ISG20: variants seen among roughly 807,000 people sequenced by gnomAD.
ISG20 encodes interferon stimulated exonuclease gene 20, also known as interferon-stimulated gene 20 kDa protein.
A neutral mutation model predicts 11.1 loss-of-function variants in ISG20; 8 were observed. The observed-to-expected ratio is 0.72, with a 90% confidence interval of 0.42 to 1.30. ISG20 has a LOEUF of 1.30. Among genes scored for constraint, ISG20 ranks in the 50% most tolerant of loss-of-function variants. ISG20 has a pLI of 0.01. For synonymous variants in ISG20, 110 were observed against 101.7 expected (o/e 1.08, Z -0.49); for missense variants, 243 against 250.2 (o/e 0.97, Z 0.19).
intron 3 of ISG20, among the ~76,000 whole-genome samples, chr15:88,654,373 GTAA>G (rs909412281): frequency 3.3e-5 from 5 of 152,162 alleles, no homozygotes; most frequent in African/African-American, 1.2e-4. Flanking sequence ...ACAATACAGC[GTAA>G]TAACGGCAAC....
chr15:88,653,734 C>G (rs1256490901), intron 3 of ISG20, among the ~76,000 whole-genome samples: 1 of 135,246 alleles, frequency 7.4e-6, no homozygotes, highest in Non-Finnish European at 1.6e-5. Flanking sequence ...CTCACATGGA[C>G]AGTGGTGCTA....
intron 2 of ISG20, among the ~76,000 whole-genome samples, chr15:88,646,237 G>A (rs139775471): frequency 1.3e-5 from 2 of 152,304 alleles, no homozygotes; most frequent in African/African-American, 4.8e-5. Context: ...GGTGTATCCA[G>A]CCCTGTGGCC....
intron 2 of ISG20, among the ~76,000 whole-genome samples, chr15:88,641,997 G>A (rs984551105): frequency 2.1e-5 from 3 of 139,956 alleles, no homozygotes; most frequent in East Asian, 2.3e-4. Context: ...GCAGTGGCAC[G>A]ATCTCGGCTC....
At chr15:88,638,518 C>T (rs1286509373), upstream of ISG20, among the ~76,000 whole-genome samples, 1 of 152,188 alleles carries the variant, frequency 6.6e-6, no homozygotes, top group African/African-American at 2.4e-5. Context: ...CCTTGCCTTC[C>T]CTGGGTTGGA....
At chr15:88,637,378 T>A (rs1466600809), upstream of ISG20, 1 of 151,378 alleles carries the variant, frequency 6.6e-6, no homozygotes, top group Non-Finnish European at 1.5e-5. Flanking sequence ...ACAAAATTTC[T>A]TGAGCAGAGA....
rs1450672313 is a variant in ISG20 at position 88,651,339 on chromosome 15, C to T, written c.229-771C>T. 5.3e-6 allele frequency: 5 copies of T among 949,402 alleles called. No individual in the cohort carries two copies. In the African/African-American group the frequency reaches 5.3e-5, roughly 10 times the overall value. The allele number at this position is 949,402 out of a possible 1,614,324, so 58.8% of individuals were successfully genotyped here. A position where few individuals can be genotyped will look rare whatever the true frequency, so the allele number is the denominator to read the frequency against. ...AGGAAGCCATCAACTTAGTGATTCA[C>T]AGCAACACAGATGTCTTCTCTTACA... is the stretch of plus-strand genomic sequence containing the variant. On this transcript the variant is annotated intron_variant, in intron 2 of 3. Transcript: ENST00000306072.
chr15:88,640,860 C>A (rs1300017775), intron 2 of ISG20, among the ~76,000 whole-genome samples: 1 of 151,464 alleles, frequency 6.6e-6, no homozygotes, highest in Non-Finnish European at 1.5e-5. Flanking sequence ...ACAGCTACTC[C>A]AGCAGCTGGG....
Position 88,639,899 on chromosome 15 carries a change from C to T in ISG20, c.228+305C>T, listed in dbSNP as rs1370723613. 7.9e-5 allele frequency among the ~76,000 whole-genome samples: 12 copies of T among 152,230 alleles called. No individual in the cohort carries two copies. Among genetic ancestry groups the T allele is most frequent in the Non-Finnish European group, 1.6e-4 (11 of 68,028 alleles). ...TGACTTGGGGTCTACATTCCCCATT[C>T]TTCCCTCTACCCCAGGCTGCCACTG... On this transcript the variant is annotated intron_variant, in intron 2 of 3. Coordinates refer to ENST00000306072, the MANE Select transcript of ISG20 (RefSeq NM_002201.6). The surrounding 1 kb of genome is among the most constrained non-coding windows in gnomAD (Gnocchi z 4.2).
At position 88,641,926 on chromosome 15, in the gene ISG20, C is replaced by CT. The variant is rs140178121; in HGVS notation, c.228+2359dup. Among the ~76,000 whole-genome samples the CT allele has an allele frequency of 7.1e-3, 726 of 102,776 alleles. 48 individuals are homozygous for CT. Among genetic ancestry groups the CT allele is most frequent in the African/African-American group, 0.022 (626 of 28,098 alleles). 67.4% of individuals were successfully genotyped at this position (102,776 alleles called of 152,430 possible). On this transcript the variant is annotated intron_variant, in intron 2 of 3. Coordinates refer to ENST00000306072, the MANE Select transcript of ISG20 (RefSeq NM_002201.6). ...AGCCACTGCACCTGGTTAGCTTCCTCTTTTTTTTTTTTTTTTTTTTTTTTT... is the reference window on the plus strand; with the variant it reads ...AGCCACTGCACCTGGTTAGCTTCCTCTTTTTTTTTTTTTTTTTTTTTTTTTT...
At position 88,650,193 on chromosome 15, in the gene ISG20, C is replaced by T. The variant is rs751292957; in HGVS notation, c.229-1917C>T. Reference sequence around the variant, plus strand: ...AAGTGGGCCTGGACTAGCCACGAGCCGCCCCTTTCCCTAATAGAGCTCACA... The same window carrying T: ...AAGTGGGCCTGGACTAGCCACGAGCTGCCCCTTTCCCTAATAGAGCTCACA... On this transcript the variant is annotated intron_variant, in intron 2 of 3. Coordinates refer to ENST00000306072, the MANE Select transcript of ISG20 (RefSeq NM_002201.6). The surrounding 1 kb of genome is among the most constrained non-coding windows in gnomAD (Gnocchi z 4.0). The T allele has an allele frequency of 9.3e-6, 14 of 1,507,274 alleles. No individual in the cohort carries two copies. Among genetic ancestry groups the T allele is most frequent in the South Asian group, 6.0e-5 (5 of 83,426 alleles). The allele number at this position is 1,507,274 out of a possible 1,614,324, so 93.4% of individuals were successfully genotyped here. A position where few individuals can be genotyped will look rare whatever the true frequency, so the allele number is the denominator to read the frequency against.
In ISG20 at chr15:88,650,383, C is replaced by A. The variant is rs999534348; in HGVS notation, c.229-1727C>A. On this transcript the variant is annotated intron_variant, in intron 2 of 3. Transcript: ENST00000306072. This position sits in a 1 kb window ranked among gnomAD's most constrained non-coding sequence, Gnocchi z 4.0. The stretch of plus-strand genomic sequence containing the variant: ...AGCTGGGCGCCTGGGCTGCTGGAGG[C>A]CTGGAGTGGTCGTTCACTCTTCTGG... 3 of 1,529,500 alleles carry A rather than the reference C, an allele frequency of 2.0e-6. No individual in the cohort carries two copies. In the South Asian group the frequency reaches 3.6e-5, roughly 18 times the overall value. The allele number at this position is 1,529,500 out of a possible 1,614,324, so 94.7% of individuals were successfully genotyped here. A position where few individuals can be genotyped will look rare whatever the true frequency, so the allele number is the denominator to read the frequency against.
chr15:88,642,265 A>G (rs964849451), intron 2 of ISG20, among the ~76,000 whole-genome samples: 22 of 152,110 alleles, frequency 1.4e-4, no homozygotes, highest in African/African-American at 5.1e-4. Context: ...ATCATATTGG[A>G]TTATGAGCCC....
intron 2 of ISG20, among the ~76,000 whole-genome samples, chr15:88,645,350 T>C (rs2058154289): frequency 6.6e-6 from 1 of 152,080 alleles, no homozygotes. Flanking sequence ...TGTTTGCTAA[T>C]TGCACCCATG....
rs552120682 is a variant in ISG20 at position 88,639,847 on chromosome 15, A to G, written c.228+253A>G. On this transcript the variant is annotated intron_variant, in intron 2 of 3. Coordinates refer to ENST00000306072, the MANE Select transcript of ISG20 (RefSeq NM_002201.6). This position sits in a 1 kb window ranked among gnomAD's most constrained non-coding sequence, Gnocchi z 4.2. Reference sequence around the variant, plus strand: ...TCTGGTCCAACTTGCCGGTCTTAAAATGGGGAAACTGAGTTCCCCCACACA... The same window carrying G: ...TCTGGTCCAACTTGCCGGTCTTAAAGTGGGGAAACTGAGTTCCCCCACACA... Among the ~76,000 whole-genome samples the G allele has an allele frequency of 2.0e-5, 3 of 152,328 alleles. No homozygotes were observed. Among genetic ancestry groups the G allele is most frequent in the African/African-American group, 4.8e-5 (2 of 41,584 alleles).
chr15:88,655,396 T>G lies in ISG20; in HGVS notation c.430-19T>G, dbSNP rs750703889. ...ATTCAGCCTCATCCCAAGTCCCCAC[T>G]CTATACTTGTGTCTGCAGAACAGCC... On this transcript the variant is annotated intron_variant, in intron 3 of 3. Transcript: ENST00000306072. 4 of 1,610,464 alleles carry G rather than the reference T, an allele frequency of 2.5e-6. No homozygotes were observed. Among genetic ancestry groups the G allele is most frequent in the Non-Finnish European group, 8.5e-7 (1 of 1,176,880 alleles).
At chr15:88,652,658 C>T (rs1441593142) in intron 3 of ISG20, among the ~76,000 whole-genome samples, 1 of 136,582 alleles carries the variant, frequency 7.3e-6, no homozygotes, top group African/African-American at 2.8e-5. Flanking sequence ...CCCTCATGCC[C>T]TCGCACACCT....
chr15:88,651,510 C>T (rs897915364), intron 2 of ISG20: 2 of 182,744 alleles, frequency 1.1e-5, no homozygotes, highest in South Asian at 1.8e-4. Context: ...CCTTAACTCA[C>T]GGCCCCTCCC....
Position 88,642,823 on chromosome 15 carries a change from C to T in ISG20, c.228+3229C>T, listed in dbSNP as rs553354716. ...GTAGAGACGGGGTTTCACCATGTTG[C>T]CAGGCTGGTCTCGAATGCCTCACCT... On this transcript the variant is annotated intron_variant, in intron 2 of 3. Transcript: ENST00000306072. 4.6e-5 allele frequency among the ~76,000 whole-genome samples: 7 copies of T among 151,168 alleles called. No individual in the cohort carries two copies. In the South Asian group the frequency reaches 8.3e-4, roughly 18 times the overall value.
chr15:88,651,941 C>T (rs1839562999), intron 2 of ISG20, 169 bp from the exon 3 acceptor site: 1 of 1,444,812 alleles, frequency 6.9e-7, no homozygotes, highest in African/African-American at 1.4e-5. Flanking sequence ...TGAGGAGGGT[C>T]CTAGTGCAAT....
Sources: gnomAD v4.1 joint callset for allele counts (sites outside exome capture counted in the v4.1 genomes callset) on GRCh38, gnomAD v4.1.1 for gene constraint, Gnocchi (gnomAD v3.1) non-coding constraint, MANE v1.5 for transcripts, NCBI Gene and HGNC (gene_info 2026-07-23, HGNC 2026-07-21) for gene names.